The following POLR3A variants were observed in gnomAD, a reference collection of about 807,000 sequenced individuals.
The protein encoded by POLR3A is DNA-directed RNA polymerase III subunit RPC1.
Under a neutral mutation model 152.8 loss-of-function variants are expected in POLR3A, and 112 were observed. The observed-to-expected ratio is 0.73, with a 90% CI of 0.63 to 0.86. The LOEUF is 0.86. Ranked by LOEUF, POLR3A falls within the 40% of genes least tolerant of loss-of-function variation. The pLI is 0.00. For missense variants in POLR3A, 1,385 were observed against 1,743.1 expected, an observed-to-expected ratio of 0.79 and a Z score of 3.66; for synonymous variants, 615 against 652.1, an observed-to-expected ratio of 0.94 and a Z score of 0.87.
At position 78,025,715 on chromosome 10, in the gene POLR3A, G is replaced by A. The variant is rs1847627160; in HGVS notation, c.225C>T (p.Asn75=). Residue 75 remains asparagine, a synonymous_variant, in exon 3 of 31, where the codon AAC becomes AAT. Coordinates refer to ENST00000372371, the MANE Select transcript of POLR3A (RefSeq NM_007055.4). The stretch of plus-strand genomic sequence containing the variant: ...CATAGTGGCCTAGACAGTCAGCCAA[G>A]TTTTTCCCACAGGTTTCACATGGAC... ...KDRPCETCGK[N]LADCLGHYGY... The A allele has an allele frequency of 6.2e-7, 1 of 1,613,910 alleles. No individual in the cohort carries two copies. Among genetic ancestry groups the A allele is most frequent in the African/African-American group, 1.3e-5 (1 of 74,908 alleles).
At position 78,019,115 on chromosome 10, in the gene POLR3A, T is replaced by C. The variant is rs1243112361; in HGVS notation, c.1289+47A>G. The C allele has an allele frequency of 4.6e-6, 6 of 1,290,506 alleles. No homozygotes were observed. The East Asian group carries it at 1.4e-4, about 30-fold the overall frequency. The allele number at this position is 1,290,506 out of a possible 1,614,324, so 79.9% of individuals were successfully genotyped here. A position where few individuals can be genotyped will look rare whatever the true frequency, so the allele number is the denominator to read the frequency against. ...TGGCTGAGTATGACCACAGTGAGCTTTGCCATGAGAAAGTAGTTAAATCCA... is the reference window on the plus strand; with the variant it reads ...TGGCTGAGTATGACCACAGTGAGCTCTGCCATGAGAAAGTAGTTAAATCCA... On this transcript the variant is annotated intron_variant, in intron 9 of 30. Transcript: ENST00000372371.
intron 1 of POLR3A, among the ~76,000 whole-genome samples, chr10:78,028,346 A>C (rs1488692833): frequency 1.3e-5 from 2 of 151,164 alleles, no homozygotes; most frequent in Non-Finnish European, 2.9e-5. Flanking sequence ...TGCTCTCAAA[A>C]CCCCCTGGAC....
intron 28 of POLR3A, 87 bp from the exon 29 acceptor site, chr10:77,981,646 C>CAAAGCA (rs906346463): frequency 6.7e-7 from 1 of 1,490,114 alleles, no homozygotes; most frequent in African/African-American, 1.4e-5. Flanking sequence ...CCTGCAGTTT[C>CAAAGCA]AAAGCAAACC....
At chr10:78,008,820 G>A (rs1183299033) in intron 14 of POLR3A, among the ~76,000 whole-genome samples, 1 of 151,080 alleles carries the variant, frequency 6.6e-6, no homozygotes, top group Non-Finnish European at 1.5e-5. Context: ...GACCAGCCTG[G>A]GCAACGTAGG....
chr10:78,004,799 T>C lies in POLR3A; in HGVS notation c.2164A>G (p.Lys722Glu). 6 of 1,614,086 alleles carry C rather than the reference T, an allele frequency of 3.7e-6. No homozygotes were observed. Among genetic ancestry groups the C allele is most frequent in the Middle Eastern group, 1.6e-4 (1 of 6,062 alleles). ...AKYELLNAGY[K>E]KCDEYIEALN... ...GCTTCGATGTACTCATCACATTTCT[T>C]GTAGCCGGCATTCAGCAACTCATAC... Residue 722 changes from lysine (K) to glutamate (E), a missense_variant, in exon 16 of 31, where the codon AAG (lysine) becomes GAG (glutamate). Transcript: ENST00000372371.
intron 21 of POLR3A, among the ~76,000 whole-genome samples, chr10:77,987,249 G>A (rs938682849): frequency 3.3e-5 from 5 of 152,140 alleles, no homozygotes; most frequent in African/African-American, 7.2e-5. Flanking sequence ...AGCTGGCATC[G>A]GCTGCTCTGG....
At chr10:77,980,528 A>ACCC (rs1847131276) in intron 29 of POLR3A, among the ~76,000 whole-genome samples, 1 of 151,788 alleles carries the variant, frequency 6.6e-6, no homozygotes, top group Non-Finnish European at 1.5e-5. Context: ...TCAGAGACTA[A>ACCC]CTTTAAAAAA....
At position 78,024,531 on chromosome 10, in the gene POLR3A, G is replaced by A. The variant is rs369269881; in HGVS notation, c.645+18C>T. 46 of 1,612,014 alleles carry A rather than the reference G, an allele frequency of 2.9e-5. No individual in the cohort carries two copies. Among genetic ancestry groups the A allele is most frequent in the Admixed American group, 1.2e-4 (7 of 59,948 alleles). On this transcript the variant is annotated intron_variant, in intron 5 of 30. Transcript: ENST00000372371. ...GGCGGGAGGCAGGCGGAAGGCAGGC[G>A]TGCATTCTCAGGCTCACCTGTGCCC...
chr10:77,987,036 A>G (rs894683792), intron 21 of POLR3A, among the ~76,000 whole-genome samples: 1 of 152,154 alleles, frequency 6.6e-6, no homozygotes, highest in Non-Finnish European at 1.5e-5. Context: ...CACCACTCCT[A>G]AAGCCAGGAT....
rs1254457692 is a variant in POLR3A at position 77,977,616 on chromosome 10, C to T, written c.4035G>A (p.Glu1345=). The change falls in exon 31 of 31, where the codon GAG becomes GAA. Residue 1345 remains glutamate, a synonymous_variant. Transcript: ENST00000372371. ...TCATTGGGATTCCCATGATGATGCA[C>T]TCAGACACCCCTGAAACCAACCAGA... The part of the protein sequence containing the change: ...GQKDSVCGVS[E]CIIMGIPMNI... The T allele has an allele frequency of 1.2e-6, 2 of 1,613,724 alleles. No homozygotes were observed. Among genetic ancestry groups the T allele is most frequent in the Admixed American group, 1.7e-5 (1 of 59,996 alleles).
chr10:77,993,184 T>C lies in POLR3A; in HGVS notation c.2787+13A>G. The C allele has an allele frequency of 6.2e-6, 10 of 1,600,960 alleles. No individual in the cohort carries two copies. The highest frequency in any genetic ancestry group is 1.3e-5 in the African/African-American group (1 of 74,800). ...AAAAACACTCTAACCCCAGATATAA[T>C]GCTAAATCTTACTTTGATGTTGTCC... On this transcript the variant is annotated intron_variant, in intron 20 of 30. Transcript: ENST00000372371.
intron 17 of POLR3A, among the ~76,000 whole-genome samples, chr10:78,001,560 A>G (rs1847357793): frequency 6.6e-6 from 1 of 152,210 alleles, no homozygotes; most frequent in South Asian, 2.1e-4. Flanking sequence ...TCCTGTTTAA[A>G]AAAAAAGTGT....
chr10:77,979,579 T>A (rs1403787766), intron 30 of POLR3A, among the ~76,000 whole-genome samples: 1 of 152,114 alleles, frequency 6.6e-6, no homozygotes, highest in Non-Finnish European at 1.5e-5. Flanking sequence ...GGATGAGGCA[T>A]GGTGCAGAGC....
chr10:77,989,266 A>T (rs745486082), intron 21 of POLR3A, among the ~76,000 whole-genome samples: 17 of 152,234 alleles, frequency 1.1e-4, no homozygotes, highest in Non-Finnish European at 2.4e-4. Context: ...CATGCTCCAC[A>T]GCAGGCCTAT....
chr10:78,017,586 T>C lies in POLR3A; in HGVS notation c.1420A>G (p.Met474Val), dbSNP rs1847536922. 1.9e-6 allele frequency: 3 copies of C among 1,614,208 alleles called. No homozygotes were observed. Among genetic ancestry groups the C allele is most frequent in the Non-Finnish European group, 2.5e-6 (3 of 1,180,012 alleles). ...GCAGTGCTACTCACCAGATGAGCCA[T>C]AATGCTCAATTTGTGCAGCGAGGGC... is the stretch of plus-strand genomic sequence containing the variant. Reference protein sequence around the residue: ...RQPSLHKLSIMAHLARVKPHR... With the variant: ...RQPSLHKLSIVAHLARVKPHR... Residue 474 changes from methionine (M) to valine (V), a missense_variant, in exon 10 of 31, where the codon ATG becomes GTG. Met to Val is a conservative substitution (Grantham distance 21). Coordinates refer to ENST00000372371, the MANE Select transcript of POLR3A (RefSeq NM_007055.4).
At chr10:77,994,574 T>A (rs1012343831) in intron 19 of POLR3A, among the ~76,000 whole-genome samples, 5 of 148,944 alleles carry the variant, frequency 3.4e-5, no homozygotes, top group Non-Finnish European at 7.4e-5. Context: ...ATGGAAGACG[T>A]AATGAATGAA....
Position 78,024,549 on chromosome 10 carries a change from C to T in POLR3A, c.645G>A (p.Gln215=). 6.2e-7 allele frequency: 1 copy of T among 1,613,132 alleles called. No individual in the cohort carries two copies. Among genetic ancestry groups the T allele is most frequent in the Non-Finnish European group, 8.5e-7 (1 of 1,179,932 alleles). The change falls in exon 5 of 31, where the codon CAG becomes CAA. Residue 215 remains glutamine, a splice_region_variant and synonymous_variant. Coordinates refer to ENST00000372371, the MANE Select transcript of POLR3A (RefSeq NM_007055.4). ...KEVEPLLGRA[Q]ENLNPLVVLN... ...GGCAGGCGTGCATTCTCAGGCTCAC[C>T]TGTGCCCTTCCCAGCAGAGGCTCCA... is the stretch of plus-strand genomic sequence containing the variant.
At chr10:78,010,832 A>G (rs1416282632) in intron 11 of POLR3A, among the ~76,000 whole-genome samples, 2 of 151,948 alleles carry the variant, frequency 1.3e-5, no homozygotes, top group Non-Finnish European at 2.9e-5. Flanking sequence ...AACTCTACCC[A>G]TGTAAGAAGA....
chr10:77,984,035 T>G, intron 25 of POLR3A, 23 bp from the exon 26 acceptor site: 1 of 1,530,990 alleles, frequency 6.5e-7, no homozygotes, highest in Non-Finnish European at 9.0e-7. Context: ...AAGATCAGAC[T>G]GTTAATCAGC....
Sources: allele counts gnomAD v4.1 joint callset (sites outside exome capture counted in the v4.1 genomes callset), GRCh38; gene constraint gnomAD v4.1.1; transcripts MANE v1.5; gene names NCBI Gene and HGNC (gene_info 2026-07-23, HGNC 2026-07-21).